KCNC2: variants seen among roughly 807,000 people sequenced by gnomAD.
KCNC2 encodes the protein potassium voltage-gated channel subfamily C member 2.
KCNC2 carries 21 observed loss-of-function variants against 44.5 expected under a neutral mutation model. The observed-to-expected ratio is 0.47, with a 90% CI of 0.33 to 0.68. The LOEUF is 0.68. KCNC2 is among the 30% of genes least tolerant of loss of function. KCNC2 has a pLI of 0.01. For synonymous variants in KCNC2, 391 were observed against 339.1 expected, an observed-to-expected ratio of 1.15 and a Z score of -1.68; for missense variants, 589 against 826.2, an observed-to-expected ratio of 0.71 and a Z score of 3.52.
chr12:75,159,477 C>A (rs930479925), intron 2 of KCNC2, among the ~76,000 whole-genome samples: 1 of 151,640 alleles, frequency 6.6e-6, no homozygotes, highest in Non-Finnish European at 1.5e-5. Context: ...GGACTCAAGT[C>A]AAGTGATTTA....
At chr12:75,056,531 A>G (rs1327373770) in intron 2 of KCNC2, among the ~76,000 whole-genome samples, 1 of 151,978 alleles carries the variant, frequency 6.6e-6, no homozygotes, top group African/African-American at 2.4e-5. Flanking sequence ...CTTCATGCCT[A>G]TTATGCTCCT....
Position 75,191,656 on chromosome 12 carries a change from T to C in KCNC2, c.687+15641A>G, listed in dbSNP as rs558370720. 6.1e-5 allele frequency among the ~76,000 whole-genome samples: 9 copies of C among 147,448 alleles called. No individual in the cohort carries two copies. In the Admixed American group the frequency reaches 6.1e-4, roughly 10 times the overall value. On this transcript the variant is annotated intron_variant, in intron 2 of 4. Transcript: ENST00000549446. ...AGCTCCGCTTCCCGGGTTCACGCCA[T>C]TCTCCTGCCTCAGCCTCCCGAGTAG... is the stretch of plus-strand genomic sequence containing the variant.
intron 2 of KCNC2, among the ~76,000 whole-genome samples, chr12:75,102,991 A>G (rs1451809701): frequency 1.3e-5 from 2 of 152,108 alleles, no homozygotes; most frequent in African/African-American, 4.8e-5. Context: ...TCACAGTAGG[A>G]GAAAGGACCT....
intron 2 of KCNC2, among the ~76,000 whole-genome samples, chr12:75,185,449 A>G (rs542648910): frequency 6.6e-6 from 1 of 152,166 alleles, no homozygotes; most frequent in South Asian, 2.1e-4. Context: ...GATTAATGCT[A>G]TTATTGCAGG....
At chr12:75,140,581 TA>T (rs1889575534) in intron 2 of KCNC2, among the ~76,000 whole-genome samples, 3 of 152,224 alleles carry the variant, frequency 2.0e-5, no homozygotes, top group South Asian at 4.1e-4. Flanking sequence ...TTTATCACGT[TA>T]AAAAATATCC....
At chr12:75,199,401 A>G (rs562055498) in intron 2 of KCNC2, among the ~76,000 whole-genome samples, 1 of 151,954 alleles carries the variant, frequency 6.6e-6, no homozygotes, top group Middle Eastern at 3.4e-3. Context: ...AACTTTCAGG[A>G]AAGAAGACCA....
chr12:75,165,300 CTAAA>C (rs981264970), intron 2 of KCNC2, among the ~76,000 whole-genome samples: 25 of 151,490 alleles, frequency 1.7e-4, no homozygotes, highest in African/African-American at 5.3e-4. Flanking sequence ...ACTGTATAGA[CTAAA>C]TAGAGTGGAC....
chr12:75,084,740 T>G (rs184274102), intron 2 of KCNC2, among the ~76,000 whole-genome samples: 1 of 152,068 alleles, frequency 6.6e-6, no homozygotes, highest in Non-Finnish European at 1.5e-5. Flanking sequence ...TGTGAAAGAC[T>G]GAAGTAATGG....
intron 2 of KCNC2, among the ~76,000 whole-genome samples, chr12:75,132,382 G>A (rs1307852856): frequency 6.6e-6 from 1 of 152,252 alleles, no homozygotes; most frequent in African/African-American, 2.4e-5. Context: ...TTAGTTAAAT[G>A]AATAGATATG....
intron 2 of KCNC2, among the ~76,000 whole-genome samples, chr12:75,180,755 T>G (rs749312299): frequency 6.6e-6 from 1 of 151,958 alleles, no homozygotes; most frequent in Non-Finnish European, 1.5e-5. Context: ...TAATAGCTTT[T>G]AGAAAGAATC....
At chr12:75,091,589 C>G (rs1284998806) in intron 2 of KCNC2, among the ~76,000 whole-genome samples, 1 of 151,614 alleles carries the variant, frequency 6.6e-6, no homozygotes, top group African/African-American at 2.4e-5. Flanking sequence ...TTGTGTTGCT[C>G]TAATTAGAAA....
At chr12:75,063,882 C>A (rs1216025802) in intron 2 of KCNC2, among the ~76,000 whole-genome samples, 1 of 152,058 alleles carries the variant, frequency 6.6e-6, no homozygotes. Flanking sequence ...CTCAAGCATG[C>A]CAGCACTTCC....
intron 2 of KCNC2, among the ~76,000 whole-genome samples, chr12:75,151,672 A>G (rs1890403374): frequency 6.6e-6 from 1 of 151,726 alleles, no homozygotes. Flanking sequence ...TGGAATTATC[A>G]TCTACTTATT....
intron 2 of KCNC2, among the ~76,000 whole-genome samples, chr12:75,161,044 G>A (rs1231295911): frequency 6.8e-6 from 1 of 147,384 alleles, no homozygotes; most frequent in African/African-American, 2.5e-5. Context: ...GTTATGTGAG[G>A]TGTAAACCTA....
At chr12:75,066,918 C>T (rs1450811188) in intron 2 of KCNC2, among the ~76,000 whole-genome samples, 11 of 152,006 alleles carry the variant, frequency 7.2e-5, no homozygotes, top group African/African-American at 1.2e-4. Flanking sequence ...AACAAAAAAG[C>T]TTAGGTGGGC....
chr12:75,080,971 G>T (rs781282837), intron 2 of KCNC2, among the ~76,000 whole-genome samples: 6 of 152,002 alleles, frequency 3.9e-5, no homozygotes, highest in Non-Finnish European at 8.8e-5. Flanking sequence ...ACTAATTATG[G>T]CTTCTTAATC....
At chr12:75,145,600 G>C (rs957205713) in intron 2 of KCNC2, among the ~76,000 whole-genome samples, 1 of 151,872 alleles carries the variant, frequency 6.6e-6, no homozygotes, top group Admixed American at 6.6e-5. Flanking sequence ...CATCTGTCAT[G>C]TTTTTCTCAT....
At chr12:75,043,671 A>G in intron 4 of KCNC2, 1 of 1,337,740 alleles carries the variant, frequency 7.5e-7, no homozygotes, top group Non-Finnish European at 9.7e-7. Flanking sequence ...CTAAGCCAAT[A>G]AAGCATACTT....
At chr12:75,201,258 A>AC (rs2031222105) in intron 2 of KCNC2, among the ~76,000 whole-genome samples, 4 of 122,812 alleles carry the variant, frequency 3.3e-5, no homozygotes, top group Admixed American at 2.8e-4. Flanking sequence ...TACAAACGAA[A>AC]TTGGAAAAAA....
Sources: allele counts gnomAD v4.1 joint callset (sites outside exome capture counted in the v4.1 genomes callset), GRCh38; gene constraint gnomAD v4.1.1; transcripts MANE v1.5; gene names NCBI Gene and HGNC (gene_info 2026-07-23, HGNC 2026-07-21).